Variants in KCNIP4 observed in about 807,000 individuals in gnomAD.
The protein encoded by KCNIP4 is potassium voltage-gated channel interacting protein 4, also known as Kv channel-interacting protein 4.
KCNIP4 carries 12 observed loss-of-function variants against 34.0 expected under a neutral mutation model. The ratio of observed to expected loss-of-function variants is 0.35; its 90% CI spans 0.23 to 0.57. KCNIP4 has a LOEUF of 0.57. Ranked by LOEUF, KCNIP4 falls within the 20% of genes least tolerant of loss-of-function variation. The pLI, the probability that KCNIP4 is intolerant of heterozygous loss-of-function variation, is 0.83. For missense variants in KCNIP4, 238 were observed against 311.7 expected (o/e 0.76, Z 1.78); for synonymous variants, 124 against 102.2 (o/e 1.21, Z -1.29).
intron 1 of KCNIP4, among the ~76,000 whole-genome samples, chr4:21,567,521 A>T (rs551368786): frequency 6.6e-6 from 1 of 152,292 alleles, no homozygotes; most frequent in Non-Finnish European, 1.5e-5. Context: ...AAAAAACCTT[A>T]GTATACATAA....
At chr4:21,200,641 G>T (rs1756425415) in intron 1 of KCNIP4, among the ~76,000 whole-genome samples, 1 of 151,766 alleles carries the variant, frequency 6.6e-6, no homozygotes, top group Admixed American at 6.6e-5. Flanking sequence ...AAAGAAGAGA[G>T]GGAGGGTGAG....
intron 1 of KCNIP4, among the ~76,000 whole-genome samples, chr4:21,084,033 G>T (rs1005837727): frequency 6.6e-6 from 1 of 151,820 alleles, no homozygotes; most frequent in Non-Finnish European, 1.5e-5. Flanking sequence ...CTGAGATATA[G>T]CCTACATTGA....
intron 3 of KCNIP4, among the ~76,000 whole-genome samples, chr4:20,761,688 C>G (rs1474552433): frequency 6.6e-6 from 1 of 152,124 alleles, no homozygotes; most frequent in Non-Finnish European, 1.5e-5. Flanking sequence ...AATTTGTTAG[C>G]TGCCTTCAGT....
intron 1 of KCNIP4, among the ~76,000 whole-genome samples, chr4:21,699,304 C>T (rs1712636340): frequency 6.6e-6 from 1 of 152,172 alleles, no homozygotes; most frequent in Admixed American, 6.5e-5. Flanking sequence ...CTATTATGTT[C>T]CAGACATGGT....
At chr4:20,991,225 A>G (rs1454066743) in intron 1 of KCNIP4, among the ~76,000 whole-genome samples, 1 of 152,182 alleles carries the variant, frequency 6.6e-6, no homozygotes, top group African/African-American at 2.4e-5. Context: ...GCCCCATTAC[A>G]CAAAGAGACA....
intron 3 of KCNIP4, among the ~76,000 whole-genome samples, chr4:20,814,463 C>T (rs2149437093): frequency 6.6e-6 from 1 of 152,258 alleles, no homozygotes; most frequent in African/African-American, 2.4e-5. Flanking sequence ...CCACTTTAAC[C>T]AGAGAGCAAC....
chr4:20,796,200 T>C (rs1713434207), intron 3 of KCNIP4, among the ~76,000 whole-genome samples: 1 of 152,236 alleles, frequency 6.6e-6, no homozygotes, highest in African/African-American at 2.4e-5. Flanking sequence ...TATATATCTA[T>C]TAAGTTAATA....
chr4:21,465,358 T>C (rs1423823208), intron 1 of KCNIP4, among the ~76,000 whole-genome samples: 1 of 152,134 alleles, frequency 6.6e-6, no homozygotes, highest in Non-Finnish European at 1.5e-5. Context: ...AATGCTGGAT[T>C]ATGAATGCTT....
chr4:20,864,300 G>T (rs931951512), intron 2 of KCNIP4, among the ~76,000 whole-genome samples: 1 of 150,890 alleles, frequency 6.6e-6, no homozygotes. Context: ...GTACACATAT[G>T]TATGCATATA....
intron 1 of KCNIP4, among the ~76,000 whole-genome samples, chr4:21,013,511 G>A (rs1482383717): frequency 6.6e-6 from 1 of 152,144 alleles, no homozygotes; most frequent in Non-Finnish European, 1.5e-5. Context: ...CATAAGAGAA[G>A]AAGCCTTGAA....
At chr4:21,775,991 A>C (rs1303606965) in intron 1 of KCNIP4, among the ~76,000 whole-genome samples, 1 of 152,230 alleles carries the variant, frequency 6.6e-6, no homozygotes, top group Admixed American at 6.5e-5. Flanking sequence ...CCAGGAGTTC[A>C]GTAGGCTTAA....
intron 6 of KCNIP4, among the ~76,000 whole-genome samples, chr4:20,734,100 CCTTT>C (rs1178324299): frequency 3.3e-5 from 5 of 152,152 alleles, no homozygotes; most frequent in African/African-American, 1.2e-4. Flanking sequence ...TTACTCCATC[CCTTT>C]CTTTACTTCT....
chr4:21,824,751 G>A (rs1722572114), intron 1 of KCNIP4, among the ~76,000 whole-genome samples: 1 of 152,226 alleles, frequency 6.6e-6, no homozygotes, highest in African/African-American at 2.4e-5. Context: ...TGTCTTGATA[G>A]ATGGGCTCTA....
intron 1 of KCNIP4, among the ~76,000 whole-genome samples, chr4:21,126,256 T>C (rs1750604753): frequency 1.3e-5 from 2 of 152,198 alleles, no homozygotes; most frequent in South Asian, 4.1e-4. Flanking sequence ...GAAGATTTTG[T>C]GGAGACCATT....
chr4:21,495,929 C>T (rs1732812301), intron 1 of KCNIP4, among the ~76,000 whole-genome samples: 1 of 152,166 alleles, frequency 6.6e-6, no homozygotes, highest in Admixed American at 6.5e-5. Context: ...TCTAGCTCAC[C>T]TCCTAAGATT....
At chr4:21,046,331 C>T (rs59584613) in intron 1 of KCNIP4, among the ~76,000 whole-genome samples, 4,201 of 152,250 alleles carry the variant, frequency 0.028, 169 homozygotes, top group African/African-American at 0.095. Flanking sequence ...GGATGAATCA[C>T]TGGAATCACT....
chr4:21,624,577 A>G lies in KCNIP4; in HGVS notation c.61+323994T>C, dbSNP rs533852547. Among the ~76,000 whole-genome samples, 15 of 152,328 alleles carry G rather than the reference A, an allele frequency of 9.8e-5. No individual in the cohort carries two copies. The South Asian group carries it at 2.9e-3, about 29-fold the overall frequency. ...GATCATCTGGCCTGACTAAAAAGTT[A>G]TCATATTTCATATTTTAGTAGATAT... On this transcript the variant is annotated intron_variant, in intron 1 of 8. Coordinates refer to ENST00000382152, the MANE Select transcript of KCNIP4 (RefSeq NM_025221.6).
intron 3 of KCNIP4, among the ~76,000 whole-genome samples, chr4:20,803,709 G>GGA (rs1714671943): frequency 1.7e-5 from 2 of 115,940 alleles, no homozygotes; most frequent in South Asian, 6.8e-4. Flanking sequence ...GAGAAAGAGA[G>GGA]AGAGAGAGAG....
At chr4:21,597,044 C>T (rs958954257) in intron 1 of KCNIP4, among the ~76,000 whole-genome samples, 3 of 151,964 alleles carry the variant, frequency 2.0e-5, no homozygotes, top group Non-Finnish European at 2.9e-5. Context: ...AATGTGAAGT[C>T]GTCCCACCTA....
Sources: gnomAD v4.1 joint callset for allele counts (sites outside exome capture counted in the v4.1 genomes callset) on GRCh38, gnomAD v4.1.1 for gene constraint, MANE v1.5 for transcripts, NCBI Gene and HGNC (gene_info 2026-07-23, HGNC 2026-07-21) for gene names.